TAF4: variants seen among roughly 807,000 people sequenced by gnomAD.
The protein encoded by TAF4 is transcription initiation factor TFIID subunit 4.
A neutral mutation model predicts 90.3 loss-of-function variants in TAF4; 9 were observed. That is an observed-to-expected ratio of 0.10 (90% confidence interval 0.06 to 0.17). The LOEUF (loss-of-function observed/expected upper bound fraction) is 0.17, where lower values mean the gene tolerates loss of function less well. Ranked by LOEUF, TAF4 falls within the 10% of genes least tolerant of loss-of-function variation. TAF4 has a pLI of 1.00. For synonymous variants in TAF4, 818 were observed against 638.9 expected, an observed-to-expected ratio of 1.28 and a Z score of -4.23; for missense variants, 1,351 against 1,370.7, an observed-to-expected ratio of 0.99 and a Z score of 0.23.
At chr20:62,024,449 G>A (rs1242641989) in intron 1 of TAF4, among the ~76,000 whole-genome samples, 2 of 152,178 alleles carry the variant, frequency 1.3e-5, no homozygotes, top group Non-Finnish European at 2.9e-5. Flanking sequence ...GTTAAACTTC[G>A]GCTTTTCAGC....
intron 1 of TAF4, among the ~76,000 whole-genome samples, chr20:62,043,607 AC>A (rs958289115): frequency 6.6e-6 from 1 of 152,054 alleles, no homozygotes; most frequent in African/African-American, 2.4e-5. Flanking sequence ...TGAGTGCCCT[AC>A]ACAGATGCAC....
At position 62,027,039 on chromosome 20, in the gene TAF4, C is replaced by T. The variant is rs140557910; in HGVS notation, c.1361-12332G>A. Among the ~76,000 whole-genome samples the T allele has an allele frequency of 6.6e-5, 10 of 152,356 alleles. No homozygotes were observed. In the East Asian group the frequency reaches 1.9e-3, roughly 29 times the overall value. ...CTCGTGCCTGTGTACAAAAGAGCTA[C>T]GTGCAAATCAACACAAAAGAAATGG... On this transcript the variant is annotated intron_variant, in intron 1 of 14. Coordinates refer to ENST00000252996, the MANE Select transcript of TAF4 (RefSeq NM_003185.4).
chr20:62,010,004 G>A lies in TAF4; in HGVS notation c.1761+42C>T, dbSNP rs1178650289. On this transcript the variant is annotated intron_variant, in intron 4 of 14. Coordinates refer to ENST00000252996, the MANE Select transcript of TAF4 (RefSeq NM_003185.4). This position sits in a 1 kb window ranked among gnomAD's most constrained non-coding sequence, Gnocchi z 4.5. ...GCTGCATTTTCTGACCTGCGCCACGGGCCTGACCGTCTTTGAAGGCACGGA... is the reference window on the plus strand; with the variant it reads ...GCTGCATTTTCTGACCTGCGCCACGAGCCTGACCGTCTTTGAAGGCACGGA... 2 of 1,609,672 alleles carry A rather than the reference G, an allele frequency of 1.2e-6. No homozygotes were observed.
intron 1 of TAF4, among the ~76,000 whole-genome samples, chr20:62,054,733 G>C (rs2056050679): frequency 6.6e-6 from 1 of 152,074 alleles, no homozygotes; most frequent in Non-Finnish European, 1.5e-5. Flanking sequence ...GCCCAGCCTT[G>C]GAGGTGCCGG....
chr20:62,048,155 C>T (rs1045642619), intron 1 of TAF4, among the ~76,000 whole-genome samples: 5 of 152,214 alleles, frequency 3.3e-5, no homozygotes, highest in Non-Finnish European at 7.3e-5. Flanking sequence ...CCTGTGGCTG[C>T]GACATACCTA....
At position 62,052,266 on chromosome 20, in the gene TAF4, C is replaced by T. The variant is rs1307192402; in HGVS notation, c.1360+12185G>A. ...CATCCTCATCCAGCCTAACTCCCAC[C>T]GACCCGAAGCACGAATCCAAATGGG... On this transcript the variant is annotated intron_variant, in intron 1 of 14. Transcript: ENST00000252996. Among the ~76,000 whole-genome samples, 9 of 152,116 alleles carry T rather than the reference C, an allele frequency of 5.9e-5. No homozygotes were observed. In the East Asian group the frequency reaches 9.7e-4, roughly 16 times the overall value.
At chr20:62,027,398 T>C (rs1008471113) in intron 1 of TAF4, among the ~76,000 whole-genome samples, 2 of 152,210 alleles carry the variant, frequency 1.3e-5, no homozygotes, top group Non-Finnish European at 2.9e-5. Context: ...TGCAATTCGG[T>C]GACTGTTTTG....
chr20:62,052,307 G>A (rs535005473), intron 1 of TAF4, among the ~76,000 whole-genome samples: 3 of 144,232 alleles, frequency 2.1e-5, no homozygotes, highest in East Asian at 2.1e-4. Flanking sequence ...CTTTGTTTCC[G>A]CTATTGAGCA....
chr20:62,006,491 T>C lies in TAF4; in HGVS notation c.2223+19A>G. The C allele has an allele frequency of 6.7e-7, 1 of 1,485,470 alleles. No homozygotes were observed. The highest frequency in any genetic ancestry group is 8.9e-7 in the Non-Finnish European group (1 of 1,117,364). The allele number at this position is 1,485,470 out of a possible 1,614,324, so 92.0% of individuals were successfully genotyped here. Reference sequence around the variant, plus strand: ...AGGCACGGTGGGCTGTGCAGACCAGTCAGGCGCCCCTTCCATACCAGCGGT... The same window carrying C: ...AGGCACGGTGGGCTGTGCAGACCAGCCAGGCGCCCCTTCCATACCAGCGGT... On this transcript the variant is annotated intron_variant, in intron 7 of 14. Coordinates refer to ENST00000252996, the MANE Select transcript of TAF4 (RefSeq NM_003185.4). This position sits in a 1 kb window ranked among gnomAD's most constrained non-coding sequence, Gnocchi z 7.0.
intron 4 of TAF4, among the ~76,000 whole-genome samples, chr20:62,009,662 C>T (rs1380441268): frequency 2.0e-5 from 3 of 152,202 alleles, no homozygotes; most frequent in Non-Finnish European, 4.4e-5. Context: ...TGCTGTTTTA[C>T]ACACTGAACA....
At position 62,053,393 on chromosome 20, in the gene TAF4, G is replaced by A. The variant is rs1243217400; in HGVS notation, c.1360+11058C>T. Among the ~76,000 whole-genome samples the A allele has an allele frequency of 3.3e-5, 5 of 152,184 alleles. No individual in the cohort carries two copies. In the East Asian group the frequency reaches 5.8e-4, roughly 18 times the overall value. ...CGAGCTCCCGGCCCAGCTCTCTGCC[G>A]CTCTGGATCCGTCACTAAGCAGCTC... On this transcript the variant is annotated intron_variant, in intron 1 of 14. Coordinates refer to ENST00000252996, the MANE Select transcript of TAF4 (RefSeq NM_003185.4).
At chr20:62,033,223 G>A (rs1382474721) in intron 1 of TAF4, among the ~76,000 whole-genome samples, 1 of 152,198 alleles carries the variant, frequency 6.6e-6, no homozygotes, top group Non-Finnish European at 1.5e-5. Context: ...TGGCTCTGGT[G>A]CTCTCCATGA....
intron 1 of TAF4, among the ~76,000 whole-genome samples, chr20:62,032,242 A>G (rs1197363050): frequency 6.6e-6 from 1 of 152,216 alleles, no homozygotes; most frequent in Non-Finnish European, 1.5e-5. Context: ...GACAAGGACC[A>G]TGCTCAGATT....
Position 61,997,630 on chromosome 20 carries a change from C to T in TAF4, c.3010G>A (p.Ala1004Thr). The T allele has an allele frequency of 1.2e-6, 2 of 1,613,374 alleles. No homozygotes were observed. The highest frequency in any genetic ancestry group is 1.7e-6 in the Non-Finnish European group (2 of 1,179,800). The change falls in exon 14 of 15, where the codon GCC becomes ACC. Residue 1004 changes from alanine to threonine, a missense_variant. By Grantham distance (58) the Ala-to-Thr change is moderately conservative. Transcript: ENST00000252996. ...QELAQMRQRDANLTALAAIGP... is the reference protein window; with the variant it reads ...QELAQMRQRDTNLTALAAIGP... Reference sequence around the variant, plus strand: ...ATCGCTGCTAGTGCTGTGAGGTTGGCGTCCCGCTGTCTCATTTGTGCCAGT... The same window carrying T: ...ATCGCTGCTAGTGCTGTGAGGTTGGTGTCCCGCTGTCTCATTTGTGCCAGT...
intron 5 of TAF4, chr20:62,007,842 C>T (rs915629233): frequency 5.5e-5 from 27 of 488,398 alleles, no homozygotes; most frequent in Middle Eastern, 2.9e-4. Flanking sequence ...CAGCCAGCTG[C>T]GGACCACGTC....
intron 14 of TAF4, chr20:61,980,436 C>G (rs1176376299): frequency 1.3e-5 from 2 of 152,306 alleles, no homozygotes; most frequent in South Asian, 2.1e-4. Context: ...GCTGTGCCCA[C>G]AGCCGCCCCG....
intron 1 of TAF4, among the ~76,000 whole-genome samples, chr20:62,061,937 C>T (rs2056091034): frequency 6.6e-6 from 1 of 152,236 alleles, no homozygotes; most frequent in Admixed American, 6.5e-5. Context: ...AACACTCGGG[C>T]CTAAGGCTTA....
intron 1 of TAF4, among the ~76,000 whole-genome samples, chr20:62,049,342 G>A (rs917064486): frequency 2.0e-5 from 3 of 152,106 alleles, no homozygotes; most frequent in Admixed American, 6.5e-5. Context: ...CATGGGAGGC[G>A]CACACAGTGC....
At chr20:62,031,438 ACT>A (rs1035198598) in intron 1 of TAF4, among the ~76,000 whole-genome samples, 11 of 152,090 alleles carry the variant, frequency 7.2e-5, no homozygotes, top group African/African-American at 2.2e-4. Context: ...AACTCCCAAG[ACT>A]CTAAAAATCC....
Sources: gnomAD v4.1 joint callset for allele counts (sites outside exome capture counted in the v4.1 genomes callset) on GRCh38, gnomAD v4.1.1 for gene constraint, Gnocchi (gnomAD v3.1) non-coding constraint, MANE v1.5 for transcripts, NCBI Gene and HGNC (gene_info 2026-07-23, HGNC 2026-07-21) for gene names.